Variants in MROH2B observed in about 807,000 individuals in gnomAD.
The protein encoded by MROH2B is maestro heat-like repeat-containing protein family member 2B.
In MROH2B, 177 loss-of-function variants were observed where a neutral mutation model predicts 208.6. The observed-to-expected ratio is 0.85, with a 90% CI of 0.75 to 0.96. The LOEUF is 0.96. Among genes scored for constraint, MROH2B ranks in the 40% least tolerant of loss-of-function variants. The probability of loss-of-function intolerance (pLI) is 0.00; values close to 1 mark genes in which losing one functional copy is unlikely to be tolerated. For missense variants in MROH2B, 2,002 were observed against 1,878.7 expected (o/e 1.07, Z -1.21); for synonymous variants, 728 against 659.0 (o/e 1.10, Z -1.60).
At chr5:41,048,797 A>G (rs1436784106) in intron 15 of MROH2B, among the ~76,000 whole-genome samples, 1 of 152,214 alleles carries the variant, frequency 6.6e-6, no homozygotes, top group Non-Finnish European at 1.5e-5. Flanking sequence ...ATGGGGCCAA[A>G]GAGAGAGATG....
chr5:41,064,595 C>G, intron 4 of MROH2B, 25 bp from the exon 5 acceptor site: 35 of 1,578,630 alleles, frequency 2.2e-5, no homozygotes, highest in Non-Finnish European at 3.0e-5. Context: ...AGAAAGGAGA[C>G]AAGTGTTATT....
chr5:41,016,231 G>A (rs1741944175), intron 28 of MROH2B, among the ~76,000 whole-genome samples: 1 of 152,098 alleles, frequency 6.6e-6, no homozygotes, highest in Non-Finnish European at 1.5e-5. Context: ...ATTTAATTTA[G>A]TATCACACTT....
At chr5:41,049,905 G>T (rs1743237139) in intron 13 of MROH2B, among the ~76,000 whole-genome samples, 1 of 152,296 alleles carries the variant, frequency 6.6e-6, no homozygotes, top group Admixed American at 6.5e-5. Flanking sequence ...TGACCTGCCT[G>T]CTCTGGAAGT....
intron 41 of MROH2B, 136 bp downstream of exon 41, chr5:40,998,476 G>T: frequency 1.4e-6 from 1 of 725,908 alleles, no homozygotes; most frequent in Non-Finnish European, 2.3e-6. Context: ...AAATTCTAGT[G>T]TCTAGAGAGC....
In MROH2B at chr5:41,002,458, G is replaced by A. The variant is rs552634794; in HGVS notation, c.4195-1625C>T. ...TACCATTTCATTCAAGTGTCACCAT[G>A]TTTTGAAAAGTCTAAGAAAGTATTT... On this transcript the variant is annotated intron_variant, in intron 37 of 41. Coordinates refer to ENST00000399564, the MANE Select transcript of MROH2B (RefSeq NM_173489.5). Among the ~76,000 whole-genome samples the A allele has an allele frequency of 3.3e-5, 5 of 152,296 alleles. No homozygotes were observed. The East Asian group carries it at 7.7e-4, about 23-fold the overall frequency.
At chr5:41,018,022 C>G in intron 27 of MROH2B, 52 bp from the exon 28 acceptor site, 1 of 1,541,498 alleles carries the variant, frequency 6.5e-7, no homozygotes. Flanking sequence ...GGTCATATCC[C>G]AGGATGTTCC....
At chr5:41,069,602 T>G in intron 2 of MROH2B, 89 bp downstream of exon 2, 63 of 1,010,532 alleles carry the variant, frequency 6.2e-5, no homozygotes, top group Non-Finnish European at 7.6e-5. Flanking sequence ...CAGAGAAAAA[T>G]GAGAAAGTTG....
Position 40,998,174 on chromosome 5 carries a change from T to C in MROH2B, c.4652-16A>G, listed in dbSNP as rs866234583. On this transcript the variant is annotated splice_polypyrimidine_tract_variant and intron_variant, in intron 41 of 41. Coordinates refer to ENST00000399564, the MANE Select transcript of MROH2B (RefSeq NM_173489.5). Reference sequence around the variant, plus strand: ...GCTTGGAGTCCTGAAATGGCAAGAATAGCAAATAAGTGGAGGAGGAGAGTC... The same window carrying C: ...GCTTGGAGTCCTGAAATGGCAAGAACAGCAAATAAGTGGAGGAGGAGAGTC... 9 of 1,592,178 alleles carry C rather than the reference T, an allele frequency of 5.7e-6. No homozygotes were observed. In the Middle Eastern group the frequency reaches 6.8e-4, roughly 120 times the overall value.
At position 41,008,721 on chromosome 5, in the gene MROH2B, G is replaced by T; in HGVS notation, c.3493C>A (p.Leu1165Ile). ...GTGCAGCTAACCAGCTTCAGGAGGA[G>T]AGTGAACAGCTCTGGATACAAGCCG... The part of the protein sequence containing the change: ...VTGLYPELFT[L>I]LLKLVSCTLG... Residue 1165 changes from leucine to isoleucine, a missense_variant, in exon 33 of 42, where the codon CTC becomes ATC. By Grantham distance (5) the Leu-to-Ile change is conservative. Transcript: ENST00000399564. 1 of 1,613,890 alleles carries T rather than the reference G, an allele frequency of 6.2e-7. No individual in the cohort carries two copies.
At chr5:41,000,940 G>T (rs1204526861) in intron 37 of MROH2B, 107 bp from the exon 38 acceptor site, 24 of 1,271,748 alleles carry the variant, frequency 1.9e-5, no homozygotes, top group Non-Finnish European at 2.5e-5. Flanking sequence ...AAAGAAGGCT[G>T]GAACCCAGGC....
Position 41,067,125 on chromosome 5 carries a change from C to G in MROH2B, c.184G>C (p.Asp62His), listed in dbSNP as rs373084922. Residue 62 changes from aspartate (D) to histidine (H), a missense_variant, in exon 3 of 42, where the codon GAT (aspartate) becomes CAT (histidine). Coordinates refer to ENST00000399564, the MANE Select transcript of MROH2B (RefSeq NM_173489.5). Reference protein sequence around the residue: ...VQRLIYYASKDMRDNNMLREI... With the variant: ...VQRLIYYASKHMRDNNMLREI... ...AAACTTACATTGTTGTCTCTCATAT[C>G]CTTAGAAGCATAATAAATCAATCGT... is the stretch of plus-strand genomic sequence containing the variant. 1.3e-6 allele frequency: 2 copies of G among 1,551,318 alleles called. No individual in the cohort carries two copies. The highest frequency in any genetic ancestry group is 2.7e-5 in the African/African-American group (2 of 73,290).
chr5:40,998,056 A>G lies in MROH2B; in HGVS notation c.4754T>C (p.Leu1585Pro), dbSNP rs200932269. Residue 1585 changes from leucine to proline, a missense_variant, in exon 42 of 42, where the codon CTG becomes CCG. By Grantham distance (98) the Leu-to-Pro change is moderately conservative. Coordinates refer to ENST00000399564, the MANE Select transcript of MROH2B (RefSeq NM_173489.5). The part of the protein sequence containing the change: ...LRRCKETSIP[L>P] ...AGCAGTTTATTTCTTGATGGCTTAC[A>G]GAGGAATGCTTGTCTCTTTACACCT... 5 of 1,606,900 alleles carry G rather than the reference A, an allele frequency of 3.1e-6. No individual in the cohort carries two copies. In the Admixed American group the frequency reaches 6.7e-5, roughly 22 times the overall value.
intron 18 of MROH2B, 55 bp from the exon 19 acceptor site, chr5:41,042,263 A>G: frequency 9.3e-7 from 1 of 1,078,530 alleles, no homozygotes; most frequent in Non-Finnish European, 1.4e-6. Context: ...CAAGACTCTG[A>G]TGAAAAGTGG....
In MROH2B at chr5:41,015,492, A is replaced by G; in HGVS notation, c.2885-14T>C. On this transcript the variant is annotated splice_polypyrimidine_tract_variant and intron_variant, in intron 28 of 41. Coordinates refer to ENST00000399564, the MANE Select transcript of MROH2B (RefSeq NM_173489.5). ...CCAAGTGAATGCCTAAAATCAACAA[A>G]GTGAGAAATGTTTAAGTGTTCAAAG... The G allele has an allele frequency of 6.2e-7, 1 of 1,612,308 alleles. No homozygotes were observed. Among genetic ancestry groups the G allele is most frequent in the Non-Finnish European group, 8.5e-7 (1 of 1,178,832 alleles).
At chr5:41,013,495 A>G (rs1234457503) in intron 29 of MROH2B, among the ~76,000 whole-genome samples, 1 of 152,206 alleles carries the variant, frequency 6.6e-6, no homozygotes, top group African/African-American at 2.4e-5. Context: ...AATGATTATG[A>G]GTTTGTAGAC....
intron 37 of MROH2B, among the ~76,000 whole-genome samples, chr5:41,001,406 C>G (rs191615575): frequency 1.3e-5 from 2 of 151,878 alleles, no homozygotes; most frequent in African/African-American, 4.8e-5. Flanking sequence ...GGATGGCAGG[C>G]GATGATTTTA....
At chr5:41,055,638 T>G in intron 10 of MROH2B, 104 bp downstream of exon 10, 1 of 768,366 alleles carries the variant, frequency 1.3e-6, no homozygotes, top group Non-Finnish European at 2.2e-6. Context: ...CACGTGATGT[T>G]ATATAAGCAT....
At chr5:41,054,927 G>A in intron 10 of MROH2B, 87 bp from the exon 11 acceptor site, 1 of 854,856 alleles carries the variant, frequency 1.2e-6, no homozygotes, top group Non-Finnish European at 1.7e-6. Context: ...TAGAATTATG[G>A]CACATAATTG....
chr5:41,001,785 C>T (rs561917829), intron 37 of MROH2B, among the ~76,000 whole-genome samples: 6 of 151,874 alleles, frequency 4.0e-5, no homozygotes, highest in South Asian at 2.1e-4. Context: ...CTCCTATTAC[C>T]TCATTGGAGT....
Sources: gnomAD v4.1 joint callset for allele counts (sites outside exome capture counted in the v4.1 genomes callset) on GRCh38, gnomAD v4.1.1 for gene constraint, MANE v1.5 for transcripts, NCBI Gene and HGNC (gene_info 2026-07-23, HGNC 2026-07-21) for gene names.